Variants in UGGT2 observed in about 807,000 individuals in gnomAD.
UGGT2 encodes the protein UDP-glucose:glycoprotein glucosyltransferase 2.
In UGGT2, 180 loss-of-function variants were observed where a neutral mutation model predicts 192.1. That is an observed-to-expected ratio of 0.94 (90% CI 0.83 to 1.06). The LOEUF (loss-of-function observed/expected upper bound fraction) is 1.06. Ranked by LOEUF, UGGT2 falls within the 50% of genes least tolerant of loss-of-function variation. The probability of loss-of-function intolerance (pLI) is 0.00; values close to 1 mark genes in which losing one functional copy is unlikely to be tolerated. For missense variants in UGGT2, 1,849 were observed against 1,795.7 expected, an observed-to-expected ratio of 1.03 and a Z score of -0.54; for synonymous variants, 580 against 591.0, an observed-to-expected ratio of 0.98 and a Z score of 0.27.
intron 17 of UGGT2, among the ~76,000 whole-genome samples, chr13:95,929,906 T>C (rs1452730351): frequency 6.6e-6 from 1 of 152,174 alleles, no homozygotes; most frequent in East Asian, 1.9e-4. Flanking sequence ...CCACTAACAG[T>C]GTATATGCGT....
In UGGT2 at chr13:95,808,071, A is replaced by T. The variant is rs1255018449; in HGVS notation, c.4529-6259T>A. On this transcript the variant is annotated intron_variant, in intron 38 of 38. Coordinates refer to ENST00000376747, the MANE Select transcript of UGGT2 (RefSeq NM_020121.4). Reference sequence around the variant, plus strand: ...GATAGACACCTCCAGTGTTGAACTCATGGAGTTCTGGGTGGCCAGAGAGCA... The same window carrying T: ...GATAGACACCTCCAGTGTTGAACTCTTGGAGTTCTGGGTGGCCAGAGAGCA... Among the ~76,000 whole-genome samples the T allele has an allele frequency of 3.9e-5, 6 of 152,238 alleles. No homozygotes were observed. In the East Asian group the frequency reaches 1.2e-3, roughly 29 times the overall value.
At chr13:96,041,674 G>A (rs2053168403) in intron 1 of UGGT2, among the ~76,000 whole-genome samples, 1 of 152,200 alleles carries the variant, frequency 6.6e-6, no homozygotes, top group Non-Finnish European at 1.5e-5. Context: ...ACTCAGTGCT[G>A]TTGGGTGGGG....
intron 2 of UGGT2, among the ~76,000 whole-genome samples, chr13:96,025,054 T>C (rs943928001): frequency 6.6e-6 from 1 of 152,184 alleles, no homozygotes; most frequent in Non-Finnish European, 1.5e-5. Flanking sequence ...AGGCAACCAG[T>C]GCAAATATGG....
chr13:96,044,921 A>G (rs1254712173), intron 1 of UGGT2, among the ~76,000 whole-genome samples: 1 of 152,174 alleles, frequency 6.6e-6, no homozygotes, highest in East Asian at 1.9e-4. Context: ...CAGACATTCA[A>G]AGAATTCGTA....
chr13:95,925,809 T>C (rs1454396873), intron 19 of UGGT2, 35 bp from the exon 20 acceptor site: 13 of 1,448,978 alleles, frequency 9.0e-6, no homozygotes, highest in Non-Finnish European at 1.2e-5. Flanking sequence ...AAATTAACTT[T>C]TTTTTTAAAA....
chr13:95,982,063 A>G (rs1406133574), intron 10 of UGGT2, among the ~76,000 whole-genome samples: 1 of 152,168 alleles, frequency 6.6e-6, no homozygotes, highest in African/African-American at 2.4e-5. Context: ...GTCAAAGCTC[A>G]TTTCAAAACT....
chr13:95,965,437 T>C (rs2050541904), intron 12 of UGGT2, among the ~76,000 whole-genome samples: 1 of 151,882 alleles, frequency 6.6e-6, no homozygotes, highest in Non-Finnish European at 1.5e-5. Context: ...TCATGTCCTT[T>C]GTAGGGACAT....
intron 22 of UGGT2, among the ~76,000 whole-genome samples, chr13:95,895,656 A>G (rs530482783): frequency 6.6e-6 from 1 of 152,110 alleles, no homozygotes; most frequent in East Asian, 1.9e-4. Flanking sequence ...GCTTCCAAAT[A>G]CCATTTCAAT....
At chr13:95,827,009 C>T (rs190931751) in intron 38 of UGGT2, among the ~76,000 whole-genome samples, 5 of 151,852 alleles carry the variant, frequency 3.3e-5, no homozygotes, top group South Asian at 4.2e-4. Flanking sequence ...ACCAATGGAA[C>T]GGAATAAAAA....
intron 4 of UGGT2, among the ~76,000 whole-genome samples, chr13:96,019,630 T>C (rs1444372269): frequency 6.6e-6 from 1 of 152,212 alleles, no homozygotes; most frequent in Non-Finnish European, 1.5e-5. Flanking sequence ...GACTGTCAGA[T>C]GGGCAAGTGC....
At chr13:95,828,044 G>C (rs770253783) in intron 38 of UGGT2, among the ~76,000 whole-genome samples, 1 of 152,064 alleles carries the variant, frequency 6.6e-6, no homozygotes, top group Non-Finnish European at 1.5e-5. Context: ...AAAATCACTA[G>C]TCACAAACTG....
intron 5 of UGGT2, among the ~76,000 whole-genome samples, chr13:96,004,247 C>T (rs2139031257): frequency 6.6e-6 from 1 of 151,424 alleles, no homozygotes; most frequent in Admixed American, 6.6e-5. Context: ...AAAAGTTGCA[C>T]ATATTTATGG....
chr13:95,989,610 A>G, intron 8 of UGGT2: 1 of 363,570 alleles, frequency 2.8e-6, no homozygotes, highest in Non-Finnish European at 5.7e-6. Flanking sequence ...TAAATTTCAA[A>G]AAGAAGAAAA....
intron 12 of UGGT2, among the ~76,000 whole-genome samples, chr13:95,961,928 CAA>C (rs1232881903): frequency 1.3e-5 from 2 of 152,008 alleles, no homozygotes; most frequent in African/African-American, 4.8e-5. Flanking sequence ...AAATCAATAA[CAA>C]GAGAAACTTT....
In UGGT2 at chr13:96,029,627, AC is replaced by A. The variant is rs2052772129; in HGVS notation, c.241+2261del. On this transcript the variant is annotated intron_variant, in intron 2 of 38. Coordinates refer to ENST00000376747, the MANE Select transcript of UGGT2 (RefSeq NM_020121.4). ...ATACAATTTAGGTTCAACCCTGAAA[AC>A]ACTTGAAATACCTCCTTCCATATAT... Among the ~76,000 whole-genome samples, 5 of 152,276 alleles carry A rather than the reference AC, an allele frequency of 3.3e-5. No individual in the cohort carries two copies. In the South Asian group the frequency reaches 1.0e-3, roughly 32 times the overall value.
intron 5 of UGGT2, among the ~76,000 whole-genome samples, chr13:96,006,055 A>G (rs1326631957): frequency 6.6e-6 from 1 of 152,244 alleles, no homozygotes; most frequent in Non-Finnish European, 1.5e-5. Context: ...CAAGAAGTCA[A>G]TGGAACAAAA....
At chr13:96,038,544 G>A (rs1224389706) in intron 1 of UGGT2, among the ~76,000 whole-genome samples, 2 of 152,046 alleles carry the variant, frequency 1.3e-5, no homozygotes, top group Non-Finnish European at 2.9e-5. Flanking sequence ...CCTGGATAAC[G>A]CCATGTTTGT....
intron 7 of UGGT2, 137 bp from the exon 8 acceptor site, chr13:95,990,210 T>C: frequency 4.1e-6 from 2 of 489,942 alleles, no homozygotes; most frequent in Non-Finnish European, 3.5e-6. Context: ...TCATAAATTG[T>C]GATACAGCTA....
chr13:95,949,917 A>G (rs2050002968), intron 12 of UGGT2, among the ~76,000 whole-genome samples: 1 of 152,212 alleles, frequency 6.6e-6, no homozygotes, highest in Non-Finnish European at 1.5e-5. Flanking sequence ...AGCTGGAGAA[A>G]ACATATAAAC....
Sources: gnomAD v4.1 joint callset for allele counts (sites outside exome capture counted in the v4.1 genomes callset) on GRCh38, gnomAD v4.1.1 for gene constraint, MANE v1.5 for transcripts, NCBI Gene and HGNC (gene_info 2026-07-23, HGNC 2026-07-21) for gene names.